The following PPP4C variants were observed in gnomAD, a reference collection of about 807,000 sequenced individuals.
PPP4C encodes serine/threonine-protein phosphatase 4 catalytic subunit.
Under a neutral mutation model 40.5 loss-of-function variants are expected in PPP4C, and 10 were observed. That is an observed-to-expected ratio of 0.25 (90% CI 0.15 to 0.42). PPP4C has a LOEUF of 0.42. Among genes scored for constraint, PPP4C ranks in the 10% least tolerant of loss-of-function variants. PPP4C has a pLI of 1.00. For missense variants in PPP4C, 191 were observed against 416.4 expected (o/e 0.46, Z 4.71); for synonymous variants, 187 against 163.6 (o/e 1.14, Z -1.09).
chr16:30,076,332 C>T lies in PPP4C; in HGVS notation c.-46C>T. 3 of 1,589,414 alleles carry T rather than the reference C, an allele frequency of 1.9e-6. No homozygotes were observed. Among genetic ancestry groups the T allele is most frequent in the Non-Finnish European group, 2.6e-6 (3 of 1,162,732 alleles). On this transcript the variant is annotated 5_prime_UTR_variant, in exon 2 of 9. Transcript: ENST00000279387. ...TTTCCCAGGAGACCCCTGTGCGGTGCGGAGGGGGCGGCGGCCCCGACTCTG... is the reference window on the plus strand; with the variant it reads ...TTTCCCAGGAGACCCCTGTGCGGTGTGGAGGGGGCGGCGGCCCCGACTCTG...
Position 30,082,814 on chromosome 16 carries a change from C to T in PPP4C, c.270C>T (p.Ser90=), listed in dbSNP as rs373393404. 1.0e-4 allele frequency: 165 copies of T among 1,614,106 alleles called. 1 individual carries two copies. In the Admixed American group the frequency reaches 2.3e-3, roughly 23 times the overall value. The stretch of plus-strand genomic sequence containing the variant: ...ACTTTGTGGACCGTGGCTTCTATAG[C>T]GTCGAAACGTTCCTCCTGCTGCTGG... ...MGDFVDRGFY[S]VETFLLLLAL... is the part of the protein sequence containing the mutation. Residue 90 remains serine (S), a synonymous_variant, in exon 5 of 9, where the codon AGC becomes AGT. Coordinates refer to ENST00000279387, the MANE Select transcript of PPP4C (RefSeq NM_002720.3).
chr16:30,077,121 G>A (rs76034336), intron 2 of PPP4C, among the ~76,000 whole-genome samples: 3,473 of 152,264 alleles, frequency 0.023, 139 homozygotes, highest in African/African-American at 0.08. Context: ...CCAGTTCAGA[G>A]TTCTGTGGGA....
Position 30,076,096 on chromosome 16 carries a change from T to G in PPP4C, c.-64+2T>G. The G allele has an allele frequency of 4.4e-6, 2 of 454,746 alleles. No individual in the cohort carries two copies. The highest frequency in any genetic ancestry group is 7.8e-6 in the Non-Finnish European group (2 of 254,828). 28.2% of individuals were successfully genotyped at this position (454,746 alleles called of 1,614,324 possible). On this transcript the variant is annotated splice_donor_variant, in intron 1 of 8. Transcript: ENST00000279387. LOFTEE classifies it low-confidence loss of function (5UTR_SPLICE). Reference sequence around the variant, plus strand: ...GCCGGAACCGGAGTCGCAGCGGCGGTAATAGTGCGAGACTCCTCTAAGTCA... The same window carrying G: ...GCCGGAACCGGAGTCGCAGCGGCGGGAATAGTGCGAGACTCCTCTAAGTCA...
chr16:30,080,336 C>A (rs552990260), intron 2 of PPP4C, among the ~76,000 whole-genome samples: 3 of 127,146 alleles, frequency 2.4e-5, no homozygotes, highest in South Asian at 2.7e-4. Context: ...TGGAGCCAGA[C>A]TCTGTCTCAA....
chr16:30,076,278 G>A, intron 1 of PPP4C, 37 bp from the exon 2 acceptor site: 1 of 1,226,336 alleles, frequency 8.2e-7, no homozygotes, highest in African/African-American at 1.5e-5. Context: ...AGCCCCGGAC[G>A]GACACTGATC....
At chr16:30,077,289 T>A (rs2072420387) in intron 2 of PPP4C, among the ~76,000 whole-genome samples, 1 of 152,190 alleles carries the variant, frequency 6.6e-6, no homozygotes, top group Admixed American at 6.6e-5. Flanking sequence ...TTGTGAAGAT[T>A]CAGTGAGTTG....
In PPP4C at chr16:30,085,154, G is replaced by T. The variant is rs570168755; in HGVS notation, c.*92G>T. ...TCAGACGGAGGCTGGGCGTGGGGGGGGCTGTCCTGGCTCTGCTGTCCCCCA... is the reference window on the plus strand; with the variant it reads ...TCAGACGGAGGCTGGGCGTGGGGGGTGCTGTCCTGGCTCTGCTGTCCCCCA... On this transcript the variant is annotated 3_prime_UTR_variant, in exon 9 of 9. Transcript: ENST00000279387. 32 of 1,494,344 alleles carry T rather than the reference G, an allele frequency of 2.1e-5. No individual in the cohort carries two copies. Among genetic ancestry groups the T allele is most frequent in the East Asian group, 4.5e-5 (2 of 44,056 alleles). The allele number at this position is 1,494,344 out of a possible 1,614,324, so 92.6% of individuals were successfully genotyped here.
At chr16:30,078,599 C>T (rs1245503115) in intron 2 of PPP4C, among the ~76,000 whole-genome samples, 2 of 152,204 alleles carry the variant, frequency 1.3e-5, no homozygotes, top group African/African-American at 4.8e-5. Flanking sequence ...ATCAGAGACC[C>T]AGGCTGAGGC....
chr16:30,081,153 C>T, intron 2 of PPP4C, 106 bp from the exon 3 acceptor site: 1 of 1,533,668 alleles, frequency 6.5e-7, no homozygotes, highest in Non-Finnish European at 8.9e-7. Flanking sequence ...CTCCTGCCCC[C>T]TGGAGCTTCC....
At chr16:30,077,068 T>G (rs1443443662) in intron 2 of PPP4C, among the ~76,000 whole-genome samples, 1 of 151,990 alleles carries the variant, frequency 6.6e-6, no homozygotes, top group Non-Finnish European at 1.5e-5. Context: ...GCCTGAGAAA[T>G]CGTAGCAAGT....
In PPP4C at chr16:30,076,105, G is replaced by A. The variant is rs1482229573; in HGVS notation, c.-64+11G>A. The A allele has an allele frequency of 3.3e-5, 17 of 513,226 alleles. No homozygotes were observed. In the East Asian group the frequency reaches 5.7e-4, roughly 17 times the overall value. 31.8% of individuals were successfully genotyped at this position (513,226 alleles called of 1,614,324 possible). ...GGAGTCGCAGCGGCGGTAATAGTGCGAGACTCCTCTAAGTCACCGTCCTTA... is the reference window on the plus strand; with the variant it reads ...GGAGTCGCAGCGGCGGTAATAGTGCAAGACTCCTCTAAGTCACCGTCCTTA... On this transcript the variant is annotated intron_variant, in intron 1 of 8. Transcript: ENST00000279387.
intron 2 of PPP4C, among the ~76,000 whole-genome samples, chr16:30,080,444 TA>T (rs536758685): frequency 1.2e-3 from 179 of 145,204 alleles, no homozygotes; most frequent in African/African-American, 4.3e-3. Context: ...CAAGGAGAAA[TA>T]AAAAATATTT....
rs974077032 is a variant in PPP4C, at chr16:30,076,303, G to C, written c.-63-12G>C. On this transcript the variant is annotated splice_polypyrimidine_tract_variant and intron_variant, in intron 1 of 8. Coordinates refer to ENST00000279387, the MANE Select transcript of PPP4C (RefSeq NM_002720.3). ...GGACACTGATCCGCGGGCTCGTCTT[G>C]GCCTTTCCCAGGAGACCCCTGTGCG... 6.8e-7 allele frequency: 1 copy of C among 1,477,148 alleles called. No homozygotes were observed. The highest frequency in any genetic ancestry group is 9.3e-7 in the Non-Finnish European group (1 of 1,071,712). The allele number at this position is 1,477,148 out of a possible 1,614,324, so 91.5% of individuals were successfully genotyped here.
intron 2 of PPP4C, among the ~76,000 whole-genome samples, chr16:30,078,320 C>T (rs768890288): frequency 1.1e-4 from 16 of 152,162 alleles, no homozygotes; most frequent in Middle Eastern, 3.2e-3. Flanking sequence ...CCCAACATCA[C>T]GCAGCTAGTC....
At chr16:30,081,188 C>G in intron 2 of PPP4C, 71 bp from the exon 3 acceptor site, 1 of 1,606,786 alleles carries the variant, frequency 6.2e-7, no homozygotes. Context: ...TCCTCCCCTC[C>G]CCCCAAAAAA....
chr16:30,082,930 T>C, intron 5 of PPP4C, 83 bp downstream of exon 5: 1 of 1,191,818 alleles, frequency 8.4e-7, no homozygotes, highest in South Asian at 1.3e-5. Context: ...TCATCTCCTA[T>C]CGTGACCAGC....
intron 5 of PPP4C, 43 bp downstream of exon 5, chr16:30,082,890 G>A (rs371423597): frequency 3.5e-5 from 54 of 1,542,172 alleles, no homozygotes; most frequent in Non-Finnish European, 4.6e-5. Context: ...GGGCGACCTC[G>A]GGCCGGGCCT....
chr16:30,081,117 C>A, intron 2 of PPP4C, 142 bp from the exon 3 acceptor site: 1 of 1,170,014 alleles, frequency 8.5e-7, no homozygotes. Context: ...CGTGGTCAGC[C>A]TGTTTTGGGG....
chr16:30,076,382 C>G lies in PPP4C; in HGVS notation c.5C>G (p.Ala2Gly). 1.2e-6 allele frequency: 2 copies of G among 1,612,844 alleles called. No individual in the cohort carries two copies. The highest frequency in any genetic ancestry group is 1.7e-6 in the Non-Finnish European group (2 of 1,179,668). The change falls in exon 2 of 9, where the codon GCG becomes GGG. Residue 2 changes from alanine to glycine, a missense_variant. Around this residue, in one of 3 missense-constraint regions of PPP4C, gnomAD observed 171 missense variants for 352.4 expected, o/e 0.49. Coordinates refer to ENST00000279387, the MANE Select transcript of PPP4C (RefSeq NM_002720.3). M[A>G]EISDLDRQIE... ...GACCCGCGCCGGGGGTGGGCCATGG[C>G]GGAGATCAGCGACCTGGACCGGCAG...
Sources: allele counts gnomAD v4.1 joint callset (sites outside exome capture counted in the v4.1 genomes callset), GRCh38; gene constraint gnomAD v4.1.1; regional missense constraint gnomAD v4.1.1; transcripts MANE v1.5; gene names NCBI Gene and HGNC (gene_info 2026-07-23, HGNC 2026-07-21).